Variants in STARD13 observed in about 807,000 individuals in gnomAD.
STARD13 encodes stAR-related lipid transfer protein 13.
Under a neutral mutation model 106.4 loss-of-function variants are expected in STARD13, and 62 were observed. That is an observed-to-expected ratio of 0.58 (90% CI 0.48 to 0.72). STARD13 has a LOEUF of 0.72. Among genes scored for constraint, STARD13 ranks in the 30% least tolerant of loss-of-function variants. The probability of loss-of-function intolerance (pLI) is 0.00; values close to 1 mark genes in which losing one functional copy is unlikely to be tolerated. For missense variants in STARD13, 1,387 were observed against 1,424.0 expected, an observed-to-expected ratio of 0.97 and a Z score of 0.42; for synonymous variants, 565 against 553.0, an observed-to-expected ratio of 1.02 and a Z score of -0.31.
the STARD13 span, among the ~76,000 whole-genome samples, chr13:33,433,521 C>T: frequency 1.1e-4 from 16 of 152,024 alleles, no homozygotes; most frequent in African/African-American, 3.9e-4. Context: ...AGGGTCACAT[C>T]CTCCTGCTAC....
chr13:33,403,784 AT>A, the STARD13 span, among the ~76,000 whole-genome samples: 26 of 152,270 alleles, frequency 1.7e-4, no homozygotes, highest in East Asian at 1.9e-3. Context: ...ATTATTCTGC[AT>A]TTTTCCCTCC....
chr13:33,385,204 G>T, the STARD13 span, among the ~76,000 whole-genome samples: 72 of 92,138 alleles, frequency 7.8e-4, no homozygotes, highest in African/African-American at 2.7e-3. Flanking sequence ...TTTTGGTTTG[G>T]AAGAAAGGTT....
In STARD13 at chr13:33,134,586, C is replaced by T. The variant is rs547108120; in HGVS notation, c.388-4297G>A. On this transcript the variant is annotated intron_variant, in intron 4 of 13. Coordinates refer to ENST00000336934, the MANE Select transcript of STARD13 (RefSeq NM_178006.4). ...GCTATTTGCTAAGGGTTCTTTGAGA[C>T]TCAGTTTTCAGAGTTAGAAAATGAA... is the stretch of plus-strand genomic sequence containing the variant. 2.0e-5 allele frequency among the ~76,000 whole-genome samples: 3 copies of T among 152,330 alleles called. No individual in the cohort carries two copies. In the South Asian group the frequency reaches 6.2e-4, roughly 32 times the overall value.
chr13:33,665,850 C>A, the STARD13 span, among the ~76,000 whole-genome samples: 3 of 152,142 alleles, frequency 2.0e-5, no homozygotes, highest in Admixed American at 2.0e-4. Context: ...GGGGTCTCCT[C>A]GGTGCCATAA....
intron 1 of STARD13, chr13:33,333,783 C>A (rs1303699497): frequency 2.6e-5 from 4 of 152,318 alleles, no homozygotes; most frequent in Admixed American, 6.5e-5. Context: ...AAGGTACCAT[C>A]TTTTCTCCTG....
the STARD13 span, among the ~76,000 whole-genome samples, chr13:33,454,389 T>C: frequency 6.6e-6 from 1 of 152,232 alleles, no homozygotes; most frequent in Non-Finnish European, 1.5e-5. Context: ...CTTTCCTTTC[T>C]ACCTTCCCTA....
chr13:33,429,643 T>C, the STARD13 span, among the ~76,000 whole-genome samples: 1 of 152,142 alleles, frequency 6.6e-6, no homozygotes, highest in Non-Finnish European at 1.5e-5. Flanking sequence ...ATCATTATGT[T>C]AAGTGAAATA....
At chr13:33,541,501 T>G in the STARD13 span, among the ~76,000 whole-genome samples, 1 of 152,154 alleles carries the variant, frequency 6.6e-6, no homozygotes, top group Non-Finnish European at 1.5e-5. Flanking sequence ...CACAGCAGCG[T>G]TTTTTCCAGT....
chr13:33,343,577 T>TAAAAA (rs1292508834), intron 1 of STARD13, among the ~76,000 whole-genome samples: 10 of 37,110 alleles, frequency 2.7e-4, no homozygotes, highest in African/African-American at 1.0e-3. Context: ...GACCCTGTCT[T>TAAAAA]AAAAAAAAAA....
At position 33,139,281 on chromosome 13, in the gene STARD13, C is replaced by T. The variant is rs184039246; in HGVS notation, c.387+3029G>A. 1.5e-3 allele frequency among the ~76,000 whole-genome samples: 233 copies of T among 152,318 alleles called. 1 individual carries two copies. Among genetic ancestry groups the T allele is most frequent in the African/African-American group, 4.9e-3 (202 of 41,564 alleles). ...AGGATCAGTCCAGTGCCAGATTACC[C>T]AGATTCAAGTACTGCCTCTGCTATT... On this transcript the variant is annotated intron_variant, in intron 4 of 13. Coordinates refer to ENST00000336934, the MANE Select transcript of STARD13 (RefSeq NM_178006.4).
chr13:33,519,207 TTTTTCTTTCTTTCTTTCTTTCTTTC>T, the STARD13 span, among the ~76,000 whole-genome samples: 598 of 88,582 alleles, frequency 6.8e-3, 7 homozygotes, highest in East Asian at 0.053. Context: ...TCTTGGTAAT[TTTTTCTTTCTTTCTTTCTTTCTTTC>T]TTTCTTTCTT....
the STARD13 span, among the ~76,000 whole-genome samples, chr13:33,604,997 T>C: frequency 6.6e-6 from 1 of 151,966 alleles, no homozygotes; most frequent in South Asian, 2.1e-4. Flanking sequence ...ATCCTAGCAC[T>C]TTGGGAGGCC....
At position 33,340,749 on chromosome 13, in the gene STARD13, T is replaced by C. The variant is rs184692059; in HGVS notation, c.124+9541A>G. Among the ~76,000 whole-genome samples the C allele has an allele frequency of 1.9e-3, 290 of 152,346 alleles. 3 individuals are homozygous for C. Among genetic ancestry groups the C allele is most frequent in the African/African-American group, 6.3e-3 (260 of 41,570 alleles). ...TACTGCCTGAGAGTGTAAGATGTCT[T>C]GACACAGCAGATTTGCAAATAAAAT... On this transcript the variant is annotated intron_variant, in intron 1 of 5. Transcript: ENST00000567873.
chr13:33,558,953 T>G, the STARD13 span, among the ~76,000 whole-genome samples: 7 of 151,710 alleles, frequency 4.6e-5, no homozygotes, highest in African/African-American at 1.7e-4. Context: ...GTACATATCC[T>G]GAGAATTGAA....
At chr13:33,659,562 G>A in the STARD13 span, among the ~76,000 whole-genome samples, 10 of 152,252 alleles carry the variant, frequency 6.6e-5, no homozygotes, top group African/African-American at 2.2e-4. Flanking sequence ...TTGTGGGACT[G>A]AGCCCTGAAC....
intron 3 of STARD13, 31 bp from the exon 4 acceptor site, chr13:33,142,404 T>C: frequency 6.4e-7 from 1 of 1,570,626 alleles, no homozygotes; most frequent in Non-Finnish European, 8.8e-7. Flanking sequence ...GATGATTACT[T>C]TCACTAATGA....
chr13:33,450,527 CT>C, the STARD13 span, among the ~76,000 whole-genome samples: 2 of 151,982 alleles, frequency 1.3e-5, no homozygotes, highest in Non-Finnish European at 2.9e-5. Flanking sequence ...CTGAAGTTTT[CT>C]TTTTTGGTTG....
chr13:33,621,125 A>ATTT, the STARD13 span, among the ~76,000 whole-genome samples: 5 of 152,068 alleles, frequency 3.3e-5, no homozygotes, highest in Non-Finnish European at 5.9e-5. Flanking sequence ...TTAAAAAAGC[A>ATTT]TATAAACTGA....
the STARD13 span, among the ~76,000 whole-genome samples, chr13:33,456,343 C>T: frequency 6.6e-6 from 1 of 152,262 alleles, no homozygotes; most frequent in South Asian, 2.1e-4. Flanking sequence ...GCGTGAGCCA[C>T]CATGCCCAGC....
Sources: gnomAD v4.1 joint callset for allele counts (sites outside exome capture counted in the v4.1 genomes callset) on GRCh38, gnomAD v4.1.1 for gene constraint, MANE v1.5 for transcripts, NCBI Gene and HGNC (gene_info 2026-07-23, HGNC 2026-07-21) for gene names.